CHRM3: variants seen among roughly 807,000 people sequenced by gnomAD.
CHRM3 encodes the protein cholinergic receptor muscarinic 3, also known as muscarinic acetylcholine receptor M3.
A neutral mutation model predicts 41.8 loss-of-function variants in CHRM3; 11 were observed. The observed-to-expected ratio is 0.26, with a 90% confidence interval of 0.17 to 0.44. The LOEUF (loss-of-function observed/expected upper bound fraction) is 0.44, where lower values mean the gene tolerates loss of function less well. Among genes scored for constraint, CHRM3 ranks in the 20% least tolerant of loss-of-function variants. The pLI, the probability that CHRM3 is intolerant of heterozygous loss-of-function variation, is 1.00. For missense variants in CHRM3, 571 were observed against 745.4 expected (o/e 0.77, Z 2.72); for synonymous variants, 297 against 301.4 (o/e 0.99, Z 0.15).
chr1:239,572,531 C>A (rs1402277233), intron 3 of CHRM3, among the ~76,000 whole-genome samples: 1 of 152,158 alleles, frequency 6.6e-6, no homozygotes, highest in Non-Finnish European at 1.5e-5. Flanking sequence ...TAATGTCCAT[C>A]ACAACTAATA....
chr1:239,634,752 G>A (rs1363548135), intron 4 of CHRM3, among the ~76,000 whole-genome samples: 1 of 152,114 alleles, frequency 6.6e-6, no homozygotes, highest in Non-Finnish European at 1.5e-5. Context: ...GTTATACAAG[G>A]CATTGAGTAA....
intron 3 of CHRM3, among the ~76,000 whole-genome samples, chr1:239,625,087 G>T (rs1668889024): frequency 1.7e-5 from 1 of 57,398 alleles, no homozygotes; most frequent in Non-Finnish European, 3.0e-5. Context: ...AAATTACCTT[G>T]GGCAGTATGG....
At chr1:239,405,341 G>T (rs898743103) in intron 1 of CHRM3, among the ~76,000 whole-genome samples, 1 of 152,062 alleles carries the variant, frequency 6.6e-6, no homozygotes, top group Non-Finnish European at 1.5e-5. Flanking sequence ...CCTGAATTGT[G>T]TCAGGCAGGG....
At chr1:239,869,464 G>T (rs994716519) in intron 6 of CHRM3, among the ~76,000 whole-genome samples, 1 of 152,118 alleles carries the variant, frequency 6.6e-6, no homozygotes, top group Non-Finnish European at 1.5e-5. Flanking sequence ...CATTGAATTT[G>T]TTCACCCTGT....
intron 6 of CHRM3, among the ~76,000 whole-genome samples, chr1:239,837,599 C>T (rs1673433928): frequency 6.6e-6 from 1 of 152,212 alleles, no homozygotes; most frequent in South Asian, 2.1e-4. Context: ...AGGTGAAGCA[C>T]AGCAGTAAGC....
chr1:239,446,124 A>T (rs1453652424), intron 1 of CHRM3, among the ~76,000 whole-genome samples: 2 of 152,076 alleles, frequency 1.3e-5, no homozygotes, highest in Non-Finnish European at 2.9e-5. Flanking sequence ...TTTAGTAGAG[A>T]TGGGGTTTCA....
chr1:239,532,187 A>G (rs1159456974), intron 2 of CHRM3, among the ~76,000 whole-genome samples: 1 of 142,822 alleles, frequency 7.0e-6, no homozygotes, highest in African/African-American at 2.6e-5. Flanking sequence ...AATTATTTGT[A>G]TTTGTAGTAG....
rs193298854 is a variant in CHRM3, at chr1:239,820,438, T to C, written c.-146-6814T>C. Reference sequence around the variant, plus strand: ...CCCGATATGTTGGCAGACTTTCGTCTTCCCTCCTGCGATATCTGTTCAGTT... The same window carrying C: ...CCCGATATGTTGGCAGACTTTCGTCCTCCCTCCTGCGATATCTGTTCAGTT... On this transcript the variant is annotated intron_variant, in intron 5 of 6. Transcript: ENST00000676153. 6.6e-5 allele frequency among the ~76,000 whole-genome samples: 10 copies of C among 152,348 alleles called. No homozygotes were observed. The East Asian group carries it at 1.7e-3, about 26-fold the overall frequency.
intron 5 of CHRM3, among the ~76,000 whole-genome samples, chr1:239,776,503 A>G (rs1250284474): frequency 6.6e-6 from 1 of 152,038 alleles, no homozygotes. Context: ...CACACCCCAT[A>G]TTTTCCTTAT....
At chr1:239,769,171 T>G (rs1190318077) in intron 5 of CHRM3, among the ~76,000 whole-genome samples, 1 of 152,170 alleles carries the variant, frequency 6.6e-6, no homozygotes, top group African/African-American at 2.4e-5. Context: ...GGCAGGGATA[T>G]TGACACTTGC....
chr1:239,537,942 A>G (rs758733033), intron 2 of CHRM3, among the ~76,000 whole-genome samples: 7 of 152,226 alleles, frequency 4.6e-5, no homozygotes, highest in Non-Finnish European at 7.3e-5. Flanking sequence ...GATACTATTA[A>G]CAATGCTGCA....
intron 6 of CHRM3, among the ~76,000 whole-genome samples, chr1:239,843,515 A>AGCT (rs1312508467): frequency 8.0e-6 from 1 of 125,538 alleles, no homozygotes; most frequent in Non-Finnish European, 1.6e-5. Flanking sequence ...ATAGCAGATT[A>AGCT]GCTGGAGGCA....
intron 2 of CHRM3, among the ~76,000 whole-genome samples, chr1:239,507,357 T>C (rs1456010089): frequency 6.6e-6 from 1 of 152,174 alleles, no homozygotes; most frequent in Non-Finnish European, 1.5e-5. Flanking sequence ...TGAGATCTGA[T>C]GGTTATATAA....
intron 2 of CHRM3, among the ~76,000 whole-genome samples, chr1:239,511,875 T>C (rs950260698): frequency 6.6e-6 from 1 of 152,190 alleles, no homozygotes; most frequent in Non-Finnish European, 1.5e-5. Context: ...GTGATAGAAA[T>C]TATAATGAAT....
At chr1:239,634,385 G>GAAAGAAAGAAAGAAAGAAAGAAAGAA (rs1670223041) in intron 4 of CHRM3, among the ~76,000 whole-genome samples, 2 of 143,894 alleles carry the variant, frequency 1.4e-5, no homozygotes, top group African/African-American at 5.2e-5. Context: ...ACGAAAGAAA[G>GAAAGAAAGAAAGAAAGAAAGAAAGAA]AAAGAAAGAA....
chr1:239,788,730 C>G (rs1181252594), intron 5 of CHRM3, among the ~76,000 whole-genome samples: 2 of 152,126 alleles, frequency 1.3e-5, no homozygotes, highest in African/African-American at 4.8e-5. Context: ...GGCACCACTG[C>G]ACTCCAGCCT....
intron 3 of CHRM3, among the ~76,000 whole-genome samples, chr1:239,571,559 G>A (rs1661830818): frequency 6.6e-6 from 1 of 152,138 alleles, no homozygotes; most frequent in Non-Finnish European, 1.5e-5. Flanking sequence ...TAAGATGGTT[G>A]GATCAGGACA....
chr1:239,557,441 G>T (rs1434524742), intron 3 of CHRM3, among the ~76,000 whole-genome samples: 1 of 152,072 alleles, frequency 6.6e-6, no homozygotes, highest in Non-Finnish European at 1.5e-5. Flanking sequence ...CTGTGTAAAT[G>T]TCTCTCCCTT....
At chr1:239,616,231 A>G (rs919132608) in intron 3 of CHRM3, among the ~76,000 whole-genome samples, 2 of 152,212 alleles carry the variant, frequency 1.3e-5, no homozygotes, top group Non-Finnish European at 2.9e-5. Flanking sequence ...TAAATTTAAT[A>G]TATGTCTTTT....
Sources: allele counts gnomAD v4.1 joint callset (sites outside exome capture counted in the v4.1 genomes callset), GRCh38; gene constraint gnomAD v4.1.1; transcripts MANE v1.5; gene names NCBI Gene and HGNC (gene_info 2026-07-23, HGNC 2026-07-21).